PZP: variants seen among roughly 807,000 people sequenced by gnomAD.
The protein encoded by PZP is pregnancy zone protein.
A neutral mutation model predicts 179.8 loss-of-function variants in PZP; 150 were observed. The observed-to-expected ratio is 0.83, with a 90% CI of 0.73 to 0.96. The LOEUF (loss-of-function observed/expected upper bound fraction) is 0.96, where lower values mean the gene tolerates loss of function less well. Among genes scored for constraint, PZP ranks in the 40% least tolerant of loss-of-function variants. The probability of loss-of-function intolerance (pLI) is 0.00; values close to 1 mark genes in which losing one functional copy is unlikely to be tolerated. For missense variants in PZP, 1,689 were observed against 1,764.0 expected (o/e 0.96, Z 0.76); for synonymous variants, 624 against 652.3 (o/e 0.96, Z 0.66).
chr12:9,207,360 C>T (rs937587964), intron 1 of PZP, among the ~76,000 whole-genome samples: 1 of 152,192 alleles, frequency 6.6e-6, no homozygotes, highest in Non-Finnish European at 1.5e-5. Context: ...GAGTTCTCAC[C>T]ATTCTCTGGA....
At chr12:9,158,654 C>G in intron 25 of PZP, 78 bp from the exon 26 acceptor site, 1 of 1,437,302 alleles carries the variant, frequency 7.0e-7, no homozygotes, top group Non-Finnish European at 9.4e-7. Flanking sequence ...CACAGGCTCC[C>G]CCATCACAGT....
Position 9,166,205 on chromosome 12 carries a change from A to G in PZP, c.2108-3T>C. 6.2e-7 allele frequency: 1 copy of G among 1,608,234 alleles called. No homozygotes were observed. The highest frequency in any genetic ancestry group is 8.5e-7 in the Non-Finnish European group (1 of 1,178,586). ...TCTCTCTACTACTCCTAGACCTGCT[A>G]AAGTAAGAGAAAATTGTCTAGTTAG... On this transcript the variant is annotated splice_region_variant and splice_polypyrimidine_tract_variant and intron_variant, in intron 17 of 35. Transcript: ENST00000261336.
At chr12:9,178,758 G>C (rs571635297) in intron 15 of PZP, among the ~76,000 whole-genome samples, 41 of 152,174 alleles carry the variant, frequency 2.7e-4, no homozygotes, top group Non-Finnish European at 5.9e-4. Context: ...TGGTCATTGG[G>C]TTCAGTGCTA....
chr12:9,172,777 C>G (rs1388314103), intron 15 of PZP, among the ~76,000 whole-genome samples: 1 of 141,178 alleles, frequency 7.1e-6, no homozygotes, highest in Non-Finnish European at 1.5e-5. Flanking sequence ...GAAGAGCTAA[C>G]TATCCTAAAT....
chr12:9,139,033 G>T, the PZP span, among the ~76,000 whole-genome samples: 1 of 151,554 alleles, frequency 6.6e-6, no homozygotes, highest in Non-Finnish European at 1.5e-5. Flanking sequence ...GATTATTTTA[G>T]ATCTTTGTTC....
At chr12:9,204,485 A>G (rs1187686390) in intron 1 of PZP, among the ~76,000 whole-genome samples, 1 of 152,218 alleles carries the variant, frequency 6.6e-6, no homozygotes, top group Admixed American at 6.5e-5. Context: ...ACACATGTCT[A>G]TATTGCAAAA....
chr12:9,169,807 C>T lies in PZP; in HGVS notation c.1840-216G>A, dbSNP rs190908198. 6.5e-5 allele frequency: 27 copies of T among 414,010 alleles called. 1 individual carries two copies. The highest frequency in any genetic ancestry group is 1.3e-3 in the Middle Eastern group (2 of 1,564). The allele number at this position is 414,010 out of a possible 1,614,324, so 25.6% of individuals were successfully genotyped here. A position where few individuals can be genotyped will look rare whatever the true frequency, so the allele number is the denominator to read the frequency against. ...TTGGGAAAATGCTTCCAAAGATTAA[C>T]AAAATCTTAAGTTATGAAGGATTAA... is the stretch of plus-strand genomic sequence containing the variant. On this transcript the variant is annotated intron_variant, in intron 15 of 35. Coordinates refer to ENST00000261336, the MANE Select transcript of PZP (RefSeq NM_002864.3).
intron 15 of PZP, among the ~76,000 whole-genome samples, chr12:9,177,576 C>T (rs1014697550): frequency 6.6e-6 from 1 of 152,224 alleles, no homozygotes; most frequent in Admixed American, 6.5e-5. Context: ...GTAACGCAAA[C>T]ACCCTTTCTA....
At chr12:9,151,450 AG>A (rs1301898729) in intron 33 of PZP, among the ~76,000 whole-genome samples, 153 bp downstream of exon 33, 1 of 152,222 alleles carries the variant, frequency 6.6e-6, no homozygotes, top group Non-Finnish European at 1.5e-5. Flanking sequence ...TGGAGTTCAA[AG>A]GTTTCCCCTC....
intron 15 of PZP, among the ~76,000 whole-genome samples, chr12:9,179,989 T>G (rs1273430960): frequency 6.6e-6 from 1 of 152,196 alleles, no homozygotes; most frequent in Admixed American, 6.5e-5. Context: ...TTTTCTAATC[T>G]TAAAATGGGA....
chr12:9,194,515 A>C (rs949542876), intron 10 of PZP, among the ~76,000 whole-genome samples: 1 of 128,830 alleles, frequency 7.8e-6, no homozygotes, highest in Admixed American at 9.6e-5. Flanking sequence ...CCCAGGCTGG[A>C]GTGCAGTGGC....
rs1941560487 is a variant in PZP, at chr12:9,166,032, A to G, written c.2258+20T>C. ...ACATTCCCTCCCCTCCAGCAAATGG[A>G]GGAAAGTAAAGTTACTTACTTCACT... On this transcript the variant is annotated intron_variant, in intron 18 of 35. Transcript: ENST00000261336. 6.3e-7 allele frequency: 1 copy of G among 1,585,218 alleles called. No individual in the cohort carries two copies. Among genetic ancestry groups the G allele is most frequent in the African/African-American group, 1.4e-5 (1 of 73,312 alleles).
the PZP span, among the ~76,000 whole-genome samples, chr12:9,142,056 G>C: frequency 1.3e-5 from 2 of 151,962 alleles, no homozygotes; most frequent in South Asian, 4.2e-4. Context: ...GACATGCCTC[G>C]ACTTTGTTGT....
intron 17 of PZP, 52 bp from the exon 18 acceptor site, chr12:9,166,254 G>T: frequency 6.3e-7 from 1 of 1,578,398 alleles, no homozygotes; most frequent in Non-Finnish European, 8.6e-7. Context: ...TTAATTTCAT[G>T]GTGCACATGT....
At chr12:9,157,444 A>T (rs1360517905) in intron 27 of PZP, 89 bp from the exon 28 acceptor site, 1 of 1,275,614 alleles carries the variant, frequency 7.8e-7, no homozygotes, top group Non-Finnish European at 1.1e-6. Flanking sequence ...AGATGTTATT[A>T]ATAGATTTCA....
chr12:9,145,504 G>T (rs1939965594), downstream of PZP, among the ~76,000 whole-genome samples: 1 of 152,002 alleles, frequency 6.6e-6, no homozygotes. Context: ...TCTATTTTAT[G>T]TTTTAAAACA....
chr12:9,145,798 A>T (rs1322272931), downstream of PZP, among the ~76,000 whole-genome samples: 1 of 152,160 alleles, frequency 6.6e-6, no homozygotes, highest in Non-Finnish European at 1.5e-5. Context: ...TTTTTGATGG[A>T]CAGGTTTCCC....
intron 1 of PZP, 127 bp from the exon 2 acceptor site, chr12:9,204,078 A>G (rs1306881931): frequency 2.1e-6 from 2 of 956,264 alleles, no homozygotes; most frequent in South Asian, 1.8e-5. Context: ...TCAATGGACT[A>G]AGTCAATGGA....
At position 9,200,419 on chromosome 12, in the gene PZP, C is replaced by T. The variant is rs557526005; in HGVS notation, c.700G>A (p.Val234Met). Residue 234 changes from valine to methionine, a missense_variant, in exon 7 of 36, where the codon GTG (valine) becomes ATG (methionine). This residue lies in a region of PZP where 742 missense variants were observed against 730.5 expected (regional missense o/e 1.02). Coordinates refer to ENST00000261336, the MANE Select transcript of PZP (RefSeq NM_002864.3). Reference protein sequence around the residue: ...VLPKFEVKVQVPKIISIMDEK... With the variant: ...VLPKFEVKVQMPKIISIMDEK... Reference sequence around the variant, plus strand: ...TCCATGATACTGATTATCTTTGGCACCTGAACTTTGACCTCAAACTTGGGA... The same window carrying T: ...TCCATGATACTGATTATCTTTGGCATCTGAACTTTGACCTCAAACTTGGGA... 8.7e-6 allele frequency: 14 copies of T among 1,611,282 alleles called. No homozygotes were observed. The highest frequency in any genetic ancestry group is 3.3e-5 in the South Asian group (3 of 91,000).
Sources: gnomAD v4.1 joint callset for allele counts (sites outside exome capture counted in the v4.1 genomes callset) on GRCh38, gnomAD v4.1.1 for gene constraint, gnomAD v4.1.1 regional missense constraint, MANE v1.5 for transcripts, NCBI Gene and HGNC (gene_info 2026-07-23, HGNC 2026-07-21) for gene names.